The following AKAP6 variants were observed in gnomAD, a reference collection of about 807,000 sequenced individuals.
The protein encoded by AKAP6 is A-kinase anchor protein 6.
Under a neutral mutation model 188.5 loss-of-function variants are expected in AKAP6, and 58 were observed. The ratio of observed to expected loss-of-function variants is 0.31; its 90% CI spans 0.25 to 0.38. AKAP6 has a LOEUF of 0.38. Among genes scored for constraint, AKAP6 ranks in the 10% least tolerant of loss-of-function variants. The pLI is 1.00. For synonymous variants in AKAP6, 989 were observed against 998.6 expected (o/e 0.99, Z 0.18); for missense variants, 2,710 against 2,740.0 (o/e 0.99, Z 0.24).
chr14:32,400,453 C>T (rs902968185), intron 1 of AKAP6, among the ~76,000 whole-genome samples: 2 of 147,954 alleles, frequency 1.4e-5, no homozygotes, highest in African/African-American at 5.0e-5. Context: ...GAGGGTTTCA[C>T]TTTTCATTCC....
chr14:32,786,296 A>ATGTTTTTTTTTTTTTTG, intron 12 of AKAP6, among the ~76,000 whole-genome samples: 4 of 93,706 alleles, frequency 4.3e-5, no homozygotes, highest in Admixed American at 1.3e-4. Flanking sequence ...CTAAACCTTT[A>ATGTTTTTTTTTTTTTTG]TCTTTTTTTT....
At chr14:32,660,934 C>CA (rs10566351) in intron 7 of AKAP6, among the ~76,000 whole-genome samples, 1 of 65,340 alleles carries the variant, frequency 1.5e-5, no homozygotes, top group East Asian at 1.4e-3. Context: ...ACCCCCCCCC[C>CA]TCCCAATTCC....
Position 32,795,733 on chromosome 14 carries a change from A to T in AKAP6, c.3588+21840A>T, listed in dbSNP as rs1322217949. On this transcript the variant is annotated intron_variant, in intron 12 of 13. Coordinates refer to ENST00000280979, the MANE Select transcript of AKAP6 (RefSeq NM_004274.5). ...TGTTAAAAACTGGCACAAGACAAGG[A>T]TGCCCTCTGTCACCACTCCTATTCA... Among the ~76,000 whole-genome samples, 3 of 152,200 alleles carry T rather than the reference A, an allele frequency of 2.0e-5. No individual in the cohort carries two copies. The East Asian group carries it at 5.8e-4, about 29-fold the overall frequency.
intron 1 of AKAP6, among the ~76,000 whole-genome samples, chr14:32,383,846 A>G (rs192430282): frequency 2.8e-4 from 43 of 152,288 alleles, no homozygotes; most frequent in African/African-American, 8.2e-4. Context: ...CTAGAGGAAA[A>G]CAGCATTACT....
At chr14:32,593,011 A>AAC (rs60277036) in intron 5 of AKAP6, among the ~76,000 whole-genome samples, 6,286 of 123,798 alleles carry the variant, frequency 0.051, 256 homozygotes, top group African/African-American at 0.08. Context: ...CCCCCACCCC[A>AAC]ACACACACAC....
rs79775178 is a variant in AKAP6 at position 32,644,347 on chromosome 14, C to T, written c.2731-33964C>T. On this transcript the variant is annotated intron_variant, in intron 7 of 13. Coordinates refer to ENST00000280979, the MANE Select transcript of AKAP6 (RefSeq NM_004274.5). ...TTCTGTGAAGGTCATTGCTCTCTCT[C>T]TCTACCAAGTGTATCTAGGCTAGCA... Among the ~76,000 whole-genome samples, 991 of 152,290 alleles carry T rather than the reference C, an allele frequency of 6.5e-3. 12 individuals are homozygous for T. The highest frequency in any genetic ancestry group is 0.023 in the African/African-American group (936 of 41,582).
At chr14:32,467,615 C>T (rs1878536018) in intron 2 of AKAP6, among the ~76,000 whole-genome samples, 1 of 151,970 alleles carries the variant, frequency 6.6e-6, no homozygotes, top group South Asian at 2.1e-4. Context: ...TCTGGATCCT[C>T]GGACACTATC....
At chr14:32,381,687 C>A (rs1015580178) in intron 1 of AKAP6, among the ~76,000 whole-genome samples, 6 of 152,140 alleles carry the variant, frequency 3.9e-5, no homozygotes, top group African/African-American at 1.4e-4. Flanking sequence ...AGATCAACAT[C>A]TTCTGCTTTT....
At chr14:32,606,455 A>G (rs958236540) in intron 7 of AKAP6, among the ~76,000 whole-genome samples, 1 of 152,162 alleles carries the variant, frequency 6.6e-6, no homozygotes, top group Admixed American at 6.6e-5. Context: ...AGCATGCATT[A>G]TTACAGGTGT....
At chr14:32,679,339 C>G (rs892795288) in intron 8 of AKAP6, among the ~76,000 whole-genome samples, 3 of 151,964 alleles carry the variant, frequency 2.0e-5, no homozygotes, top group African/African-American at 7.3e-5. Flanking sequence ...TAGTTATGCT[C>G]ATAAAAATGG....
chr14:32,781,481 A>G (rs2033249514), intron 12 of AKAP6, among the ~76,000 whole-genome samples: 1 of 152,172 alleles, frequency 6.6e-6, no homozygotes, highest in Non-Finnish European at 1.5e-5. Flanking sequence ...GGTGAATTCT[A>G]CCAAACATTT....
chr14:32,504,363 C>T (rs1880756936), intron 2 of AKAP6, among the ~76,000 whole-genome samples: 1 of 152,114 alleles, frequency 6.6e-6, no homozygotes, highest in Admixed American at 6.5e-5. Context: ...TCATGGCAAC[C>T]TTTGCCTCCC....
rs140739157 is a variant in AKAP6 at position 32,384,772 on chromosome 14, G to C, written c.-34-48688G>C. The stretch of plus-strand genomic sequence containing the variant: ...TTGTTACTTGTTTTGGTTTTAGGGG[G>C]CATGATTGTCACTGGCAAGGTGTGA... On this transcript the variant is annotated intron_variant, in intron 1 of 13. Transcript: ENST00000280979. Among the ~76,000 whole-genome samples the C allele has an allele frequency of 1.5e-3, 235 of 152,230 alleles. 1 individual carries two copies. The highest frequency in any genetic ancestry group is 5.1e-3 in the African/African-American group (213 of 41,530).
At chr14:32,726,609 T>G (rs1160633457) in intron 9 of AKAP6, among the ~76,000 whole-genome samples, 1 of 152,254 alleles carries the variant, frequency 6.6e-6, no homozygotes, top group Non-Finnish European at 1.5e-5. Flanking sequence ...GAGAGGCTTG[T>G]GCTTTTCACG....
At chr14:32,506,986 T>C (rs1334401175) in intron 2 of AKAP6, among the ~76,000 whole-genome samples, 4 of 152,204 alleles carry the variant, frequency 2.6e-5, no homozygotes, top group Non-Finnish European at 2.9e-5. Flanking sequence ...AATCATTTTT[T>C]TTCCTGAGTT....
At chr14:32,734,926 G>A (rs1185596378) in intron 10 of AKAP6, among the ~76,000 whole-genome samples, 2 of 151,978 alleles carry the variant, frequency 1.3e-5, no homozygotes, top group African/African-American at 2.4e-5. Flanking sequence ...AAGAAAAAAA[G>A]AAAACAGCCC....
At chr14:32,528,074 G>A (rs1882220154) in intron 2 of AKAP6, among the ~76,000 whole-genome samples, 1 of 145,654 alleles carries the variant, frequency 6.9e-6, no homozygotes, top group Admixed American at 6.7e-5. Context: ...AGGATTTTAT[G>A]GTTTTGCATT....
chr14:32,395,485 G>T (rs1888850686), intron 1 of AKAP6, among the ~76,000 whole-genome samples: 1 of 152,092 alleles, frequency 6.6e-6, no homozygotes, highest in African/African-American at 2.4e-5. Flanking sequence ...GAATTTGGGG[G>T]AAATCAAGCC....
At chr14:32,429,180 C>G (rs949822144) in intron 1 of AKAP6, among the ~76,000 whole-genome samples, 4 of 152,146 alleles carry the variant, frequency 2.6e-5, no homozygotes, top group African/African-American at 9.7e-5. Context: ...TTTATTTTCA[C>G]CATCAGAACT....
Sources: gnomAD v4.1 joint callset for allele counts (sites outside exome capture counted in the v4.1 genomes callset) on GRCh38, gnomAD v4.1.1 for gene constraint, MANE v1.5 for transcripts, NCBI Gene and HGNC (gene_info 2026-07-23, HGNC 2026-07-21) for gene names.